The following TMEM132D variants were observed in gnomAD, a reference collection of about 807,000 sequenced individuals.
The protein encoded by TMEM132D is transmembrane protein 132D.
TMEM132D carries 21 observed loss-of-function variants against 62.3 expected under a neutral mutation model. That is an observed-to-expected ratio of 0.34 (90% CI 0.24 to 0.49). The LOEUF is 0.49. TMEM132D is among the 20% of genes least tolerant of loss of function. The pLI, the probability that TMEM132D is intolerant of heterozygous loss-of-function variation, is 0.99. For synonymous variants in TMEM132D, 621 were observed against 575.6 expected, an observed-to-expected ratio of 1.08 and a Z score of -1.13; for missense variants, 1,346 against 1,402.8, an observed-to-expected ratio of 0.96 and a Z score of 0.65.
chr12:129,432,108 TGA>T (rs1378043565), intron 3 of TMEM132D, among the ~76,000 whole-genome samples: 206 of 152,202 alleles, frequency 1.4e-3, no homozygotes, highest in African/African-American at 4.8e-3. Flanking sequence ...TATGGATGAA[TGA>T]ATGGATGGAT....
At chr12:129,529,443 C>G (rs567962210) in intron 3 of TMEM132D, among the ~76,000 whole-genome samples, 1 of 152,224 alleles carries the variant, frequency 6.6e-6, no homozygotes. Context: ...ACCATTGGGC[C>G]CCCCCATGCT....
At chr12:129,472,103 C>G (rs184370808) in intron 3 of TMEM132D, among the ~76,000 whole-genome samples, 36 of 152,370 alleles carry the variant, frequency 2.4e-4, no homozygotes, top group Middle Eastern at 3.4e-3. Context: ...GATGGCTAAA[C>G]TGAACTACAG....
At chr12:129,459,796 C>G (rs1873599003) in intron 3 of TMEM132D, among the ~76,000 whole-genome samples, 1 of 152,148 alleles carries the variant, frequency 6.6e-6, no homozygotes, top group African/African-American at 2.4e-5. Context: ...TTACAAATAT[C>G]TGTAGCCTAT....
chr12:129,429,582 CT>C (rs369972389), intron 3 of TMEM132D, among the ~76,000 whole-genome samples: 17,939 of 143,506 alleles, frequency 0.13, 1,686 homozygotes, highest in East Asian at 0.48. Flanking sequence ...CTAATTCTTT[CT>C]TTTTTTTTTT....
intron 3 of TMEM132D, among the ~76,000 whole-genome samples, chr12:129,497,138 T>C (rs1874983766): frequency 6.6e-6 from 1 of 152,028 alleles, no homozygotes. Flanking sequence ...TGAAACCCCG[T>C]CTCTGCTAAA....
intron 2 of TMEM132D, among the ~76,000 whole-genome samples, chr12:129,567,647 C>T (rs1289162410): frequency 6.6e-6 from 1 of 152,154 alleles, no homozygotes; most frequent in Non-Finnish European, 1.5e-5. Context: ...ACAGTACCAC[C>T]TTTCACAGTG....
intron 1 of TMEM132D, among the ~76,000 whole-genome samples, chr12:129,795,259 C>A (rs1264958348): frequency 6.6e-6 from 1 of 152,156 alleles, no homozygotes; most frequent in Admixed American, 6.5e-5. Context: ...AACCTCGGCA[C>A]CAATGCTATG....
chr12:129,467,414 A>G (rs1873945319), intron 3 of TMEM132D, among the ~76,000 whole-genome samples: 1 of 152,180 alleles, frequency 6.6e-6, no homozygotes, highest in Non-Finnish European at 1.5e-5. Context: ...GCTTCCCTAT[A>G]GCTCCAGCCA....
intron 1 of TMEM132D, among the ~76,000 whole-genome samples, chr12:129,761,176 CCA>C (rs984727427): frequency 2.3e-4 from 35 of 152,136 alleles, no homozygotes; most frequent in South Asian, 4.1e-4. Flanking sequence ...CTCCTCATCC[CCA>C]GAGTCACTTG....
At chr12:129,137,321 A>C (rs552294095) in intron 5 of TMEM132D, among the ~76,000 whole-genome samples, 4 of 152,304 alleles carry the variant, frequency 2.6e-5, no homozygotes, top group South Asian at 2.1e-4. Flanking sequence ...CATCATCATC[A>C]TCATGTGCTA....
At position 129,342,608 on chromosome 12, in the gene TMEM132D, T is replaced by C. The variant is rs1007240984; in HGVS notation, c.1116-4791A>G. Among the ~76,000 whole-genome samples the C allele has an allele frequency of 5.9e-4, 90 of 152,152 alleles. 1 individual carries two copies. Among genetic ancestry groups the C allele is most frequent in the Non-Finnish European group, 9.4e-4 (64 of 68,010 alleles). On this transcript the variant is annotated intron_variant, in intron 3 of 8. Transcript: ENST00000422113. Reference sequence around the variant, plus strand: ...ATTAAACTCAAGAGCTTCTGCACAGTAAAAGAAACTACCATCAGAGTGAAC... The same window carrying C: ...ATTAAACTCAAGAGCTTCTGCACAGCAAAAGAAACTACCATCAGAGTGAAC...
chr12:129,384,641 C>A (rs1287368859), intron 3 of TMEM132D, among the ~76,000 whole-genome samples: 2 of 152,190 alleles, frequency 1.3e-5, no homozygotes, highest in East Asian at 3.9e-4. Flanking sequence ...CCTGGCTACT[C>A]CAAGTGTGGT....
chr12:129,297,692 C>T (rs992811628), intron 4 of TMEM132D, among the ~76,000 whole-genome samples: 11 of 152,134 alleles, frequency 7.2e-5, no homozygotes, highest in African/African-American at 2.7e-4. Context: ...GAAGGGTGTC[C>T]CTGTGAGCAT....
chr12:129,186,231 G>A (rs1878219130), intron 5 of TMEM132D, among the ~76,000 whole-genome samples: 1 of 152,200 alleles, frequency 6.6e-6, no homozygotes, highest in Non-Finnish European at 1.5e-5. Flanking sequence ...CCACCTTGGT[G>A]CATCTCCAGC....
At chr12:129,490,615 T>G in intron 3 of TMEM132D, among the ~76,000 whole-genome samples, 1 of 133,428 alleles carries the variant, frequency 7.5e-6, no homozygotes, top group African/African-American at 2.9e-5. Context: ...TTTTTTTTTT[T>G]TTTTTTTTTT....
At chr12:129,753,533 C>T (rs932491318) in intron 1 of TMEM132D, among the ~76,000 whole-genome samples, 14 of 152,134 alleles carry the variant, frequency 9.2e-5, no homozygotes, top group African/African-American at 2.9e-4. Flanking sequence ...TCAGTGAGCA[C>T]ACTTATTCAA....
At chr12:129,824,873 T>G (rs193279810) in intron 1 of TMEM132D, among the ~76,000 whole-genome samples, 33 of 152,302 alleles carry the variant, frequency 2.2e-4, no homozygotes, top group African/African-American at 7.5e-4. Flanking sequence ...AAGTATTTCT[T>G]CTGTTGCTGA....
chr12:129,691,105 C>A (rs1241581116), intron 2 of TMEM132D, among the ~76,000 whole-genome samples: 1 of 151,176 alleles, frequency 6.6e-6, no homozygotes, highest in Non-Finnish European at 1.5e-5. Flanking sequence ...AAAGAAGTCT[C>A]AAAAAAAATT....
intron 3 of TMEM132D, among the ~76,000 whole-genome samples, chr12:129,496,281 G>C (rs1205167705): frequency 6.6e-6 from 1 of 152,136 alleles, no homozygotes; most frequent in Non-Finnish European, 1.5e-5. Flanking sequence ...AGGTATATGT[G>C]CACTCACAGA....
Sources: allele counts gnomAD v4.1 joint callset (sites outside exome capture counted in the v4.1 genomes callset), GRCh38; gene constraint gnomAD v4.1.1; transcripts MANE v1.5; gene names NCBI Gene and HGNC (gene_info 2026-07-23, HGNC 2026-07-21).